Variants in CCDC7 observed in about 807,000 individuals in gnomAD.
CCDC7 encodes coiled-coil domain containing 7.
In CCDC7, 183 loss-of-function variants were observed where a neutral mutation model predicts 196.9. That is an observed-to-expected ratio of 0.93 (90% CI 0.82 to 1.05). The LOEUF is 1.05. CCDC7 is among the 50% of genes least tolerant of loss of function. The pLI is 0.00. For synonymous variants in CCDC7, 525 were observed against 484.6 expected (o/e 1.08, Z -1.10); for missense variants, 1,540 against 1,482.2 (o/e 1.04, Z -0.64).
intron 25 of CCDC7, among the ~76,000 whole-genome samples, chr10:32,717,650 C>T (rs764884957): frequency 1.8e-4 from 27 of 151,510 alleles, no homozygotes; most frequent in East Asian, 7.8e-4. Flanking sequence ...AAAGAGGAAA[C>T]GAGAGAAGAA....
intron 24 of CCDC7, among the ~76,000 whole-genome samples, chr10:32,704,961 C>T (rs1021702615): frequency 3.3e-5 from 5 of 152,136 alleles, no homozygotes; most frequent in African/African-American, 4.8e-5. Context: ...TTGCACTTCC[C>T]GGGTGAGGCG....
chr10:32,644,897 C>T (rs1591045886), intron 20 of CCDC7, among the ~76,000 whole-genome samples: 1 of 152,242 alleles, frequency 6.6e-6, no homozygotes, highest in African/African-American at 2.4e-5. Context: ...TGAAAGTGTA[C>T]GAATACAACT....
chr10:32,566,828 C>T (rs2136927109), intron 14 of CCDC7, among the ~76,000 whole-genome samples: 1 of 149,408 alleles, frequency 6.7e-6, no homozygotes, highest in South Asian at 2.1e-4. Context: ...GGGGGGATAA[C>T]TTAAGCCCAG....
chr10:32,543,768 T>C (rs917174783), intron 12 of CCDC7, among the ~76,000 whole-genome samples: 2 of 152,066 alleles, frequency 1.3e-5, no homozygotes, highest in Non-Finnish European at 2.9e-5. Flanking sequence ...ATTATTCTTA[T>C]AAAAAGTTAT....
chr10:32,755,239 G>A (rs1001895047), intron 28 of CCDC7, among the ~76,000 whole-genome samples: 2 of 152,170 alleles, frequency 1.3e-5, no homozygotes, highest in Non-Finnish European at 2.9e-5. Context: ...AGACTTAAAC[G>A]TCCCTGTCTG....
intron 18 of CCDC7, among the ~76,000 whole-genome samples, chr10:32,624,984 GTTTTTT>G (rs35752534): frequency 3.9e-5 from 2 of 51,658 alleles, no homozygotes; most frequent in African/African-American, 6.2e-5. Context: ...CTTTGCACAA[GTTTTTT>G]TTTTTTTTTT....
intron 41 of CCDC7, among the ~76,000 whole-genome samples, chr10:32,875,439 G>T (rs2094570913): frequency 6.6e-6 from 1 of 151,968 alleles, no homozygotes; most frequent in Non-Finnish European, 1.5e-5. Context: ...AGATCAGATG[G>T]TTGTAGATGT....
At chr10:32,589,391 T>C (rs2059581388) in intron 18 of CCDC7, among the ~76,000 whole-genome samples, 3 of 152,158 alleles carry the variant, frequency 2.0e-5, no homozygotes, top group African/African-American at 4.8e-5. Context: ...TCTTTATTCA[T>C]TCATCTGTTG....
Position 32,739,858 on chromosome 10 carries a change from GC to G in CCDC7, c.2905+10410del, listed in dbSNP as rs113990276. Among the ~76,000 whole-genome samples, 119 of 149,438 alleles carry G rather than the reference GC, an allele frequency of 8.0e-4. 1 individual carries two copies. The highest frequency in any genetic ancestry group is 2.6e-3 in the African/African-American group (105 of 40,602). Reference sequence around the variant, plus strand: ...TTTCTAAAATATTGTCATTATTTTTGCCCCCCCCCACCAAACTGCTGTTTCT... The same window carrying G: ...TTTCTAAAATATTGTCATTATTTTTGCCCCCCCCACCAAACTGCTGTTTCT... On this transcript the variant is annotated intron_variant, in intron 28 of 41. Transcript: ENST00000639629.
At chr10:32,610,616 C>T (rs539553199) in intron 18 of CCDC7, among the ~76,000 whole-genome samples, 15 of 152,070 alleles carry the variant, frequency 9.9e-5, no homozygotes, top group Non-Finnish European at 1.9e-4. Context: ...TGTTCCCCTC[C>T]GGGAGCCCAT....
At chr10:32,689,888 C>A (rs1169589941) in intron 23 of CCDC7, among the ~76,000 whole-genome samples, 1 of 152,094 alleles carries the variant, frequency 6.6e-6, no homozygotes, top group Non-Finnish European at 1.5e-5. Flanking sequence ...GCACACACCA[C>A]CACGTCTGCC....
intron 28 of CCDC7, among the ~76,000 whole-genome samples, chr10:32,745,986 T>C (rs1307759515): frequency 6.6e-6 from 1 of 152,184 alleles, no homozygotes. Flanking sequence ...ATTGATGTTG[T>C]GTTTTTCATT....
chr10:32,841,701 A>G lies in CCDC7; in HGVS notation c.3353-3542A>G, dbSNP rs544199966. On this transcript the variant is annotated intron_variant, in intron 33 of 41. Transcript: ENST00000639629. ...TAAATCTGAAGGGATCACATTACCA[A>G]CTTCAAACTATAAGGCCATAGTCAC... Among the ~76,000 whole-genome samples, 3 of 152,178 alleles carry G rather than the reference A, an allele frequency of 2.0e-5. No homozygotes were observed. The East Asian group carries it at 5.8e-4, about 29-fold the overall frequency.
intron 29 of CCDC7, among the ~76,000 whole-genome samples, chr10:32,779,658 G>A (rs1012302416): frequency 1.3e-5 from 2 of 152,104 alleles, no homozygotes; most frequent in East Asian, 1.9e-4. Context: ...CTCCTTAAAG[G>A]CATCAGGCAA....
intron 40 of CCDC7, among the ~76,000 whole-genome samples, chr10:32,853,193 G>A (rs1365538678): frequency 6.6e-6 from 1 of 151,644 alleles, no homozygotes; most frequent in African/African-American, 2.4e-5. Context: ...TTTATTTGAA[G>A]AATATACTAA....
At chr10:32,466,833 T>C (rs1338353300) in intron 5 of CCDC7, among the ~76,000 whole-genome samples, 1 of 152,182 alleles carries the variant, frequency 6.6e-6, no homozygotes, top group East Asian at 1.9e-4. Context: ...TTTTTAGATA[T>C]TTGAGGAATC....
At chr10:32,634,924 G>C (rs758154360) in intron 19 of CCDC7, 133 bp from the exon 21 acceptor site, 1 of 392,230 alleles carries the variant, frequency 2.5e-6, no homozygotes, top group Admixed American at 4.4e-5. Flanking sequence ...TCGCATCCAC[G>C]GTCTATTTTA....
chr10:32,841,077 G>A (rs1179495000), intron 33 of CCDC7, among the ~76,000 whole-genome samples: 1 of 151,834 alleles, frequency 6.6e-6, no homozygotes, highest in Non-Finnish European at 1.5e-5. Context: ...CATTCCCCCT[G>A]AAAACTGGAA....
chr10:32,710,417 C>A (rs980298376), intron 24 of CCDC7, among the ~76,000 whole-genome samples: 1 of 152,176 alleles, frequency 6.6e-6, no homozygotes, highest in Non-Finnish European at 1.5e-5. Context: ...CTGCAGGGGA[C>A]AATAGCAGTG....
Sources: gnomAD v4.1 joint callset for allele counts (sites outside exome capture counted in the v4.1 genomes callset) on GRCh38, gnomAD v4.1.1 for gene constraint, MANE v1.5 for transcripts, NCBI Gene and HGNC (gene_info 2026-07-23, HGNC 2026-07-21) for gene names.